The following SIK3 variants were observed in gnomAD, a reference collection of about 807,000 sequenced individuals.
The protein encoded by SIK3 is SIK family kinase 3, also known as serine/threonine-protein kinase SIK3.
In SIK3, 28 loss-of-function variants were observed where a neutral mutation model predicts 144.2. The ratio of observed to expected loss-of-function variants is 0.19; its 90% CI spans 0.14 to 0.27. SIK3 has a LOEUF of 0.27. Ranked by LOEUF, SIK3 falls within the 10% of genes least tolerant of loss-of-function variation. The probability of loss-of-function intolerance (pLI) is 1.00; values close to 1 mark genes in which losing one functional copy is unlikely to be tolerated. For synonymous variants in SIK3, 686 were observed against 676.3 expected, an observed-to-expected ratio of 1.01 and a Z score of -0.22; for missense variants, 1,319 against 1,776.0, an observed-to-expected ratio of 0.74 and a Z score of 4.62.
intron 1 of SIK3, among the ~76,000 whole-genome samples, chr11:117,095,749 C>G (rs1955447574): frequency 6.6e-6 from 1 of 152,322 alleles, no homozygotes; most frequent in East Asian, 1.9e-4. Flanking sequence ...AAGCTTCACT[C>G]ATGTAGTCAG....
intron 1 of SIK3, among the ~76,000 whole-genome samples, chr11:116,975,174 T>C (rs1949901906): frequency 6.6e-6 from 1 of 151,714 alleles, no homozygotes; most frequent in South Asian, 2.1e-4. Context: ...TTTCTTTGTA[T>C]TCTAGTTATT....
At chr11:116,960,781 C>T (rs997981054) in intron 1 of SIK3, among the ~76,000 whole-genome samples, 1 of 150,124 alleles carries the variant, frequency 6.7e-6, no homozygotes, top group Admixed American at 6.6e-5. Context: ...TAATATAATG[C>T]CTGGCACAGT....
At chr11:116,925,057 G>C (rs904978347) in intron 4 of SIK3, among the ~76,000 whole-genome samples, 1 of 152,120 alleles carries the variant, frequency 6.6e-6, no homozygotes, top group African/African-American at 2.4e-5. Flanking sequence ...AAGGTGGGTG[G>C]ATCGCTGGAG....
intron 1 of SIK3, among the ~76,000 whole-genome samples, chr11:116,960,209 T>C (rs945291592): frequency 2.0e-5 from 3 of 152,134 alleles, no homozygotes; most frequent in African/African-American, 7.2e-5. Flanking sequence ...CAGTGAGAGT[T>C]CAGATTCCAG....
In SIK3 at chr11:116,873,576, G is replaced by T; in HGVS notation, c.1642C>A (p.Arg548=). ...TTGGCTCCTCCATCTGATGCCCTCCGGCCAAGGGGGCCCATTCCATTCAAC... is the reference window on the plus strand; with the variant it reads ...TTGGCTCCTCCATCTGATGCCCTCCTGCCAAGGGGGCCCATTCCATTCAAC... ...QLLNGMGPLG[R]RASDGGANIQ... Residue 548 remains arginine (R), a synonymous_variant, in exon 13 of 25, where the codon CGG becomes AGG. Coordinates refer to ENST00000445177, the MANE Select transcript of SIK3 (RefSeq NM_001366686.3). The T allele has an allele frequency of 1.9e-6, 3 of 1,607,388 alleles. No individual in the cohort carries two copies. Among genetic ancestry groups the T allele is most frequent in the Non-Finnish European group, 2.5e-6 (3 of 1,177,188 alleles).
rs539989063 is a variant in SIK3 at position 116,925,933 on chromosome 11, A to G, written c.616+1286T>C. 2.2e-4 allele frequency among the ~76,000 whole-genome samples: 33 copies of G among 152,336 alleles called. No individual in the cohort carries two copies. In the South Asian group the frequency reaches 3.3e-3, roughly 15 times the overall value. On this transcript the variant is annotated intron_variant, in intron 4 of 24. Coordinates refer to ENST00000445177, the MANE Select transcript of SIK3 (RefSeq NM_001366686.3). ...CTTATAAATGATATGAAAGTTCTAAACAAAAGTGTAGCTGTCAGTTTCAGA... is the reference window on the plus strand; with the variant it reads ...CTTATAAATGATATGAAAGTTCTAAGCAAAAGTGTAGCTGTCAGTTTCAGA...
chr11:116,860,656 C>G (rs960049448), intron 19 of SIK3, among the ~76,000 whole-genome samples: 3 of 152,180 alleles, frequency 2.0e-5, no homozygotes, highest in Admixed American at 6.5e-5. Flanking sequence ...AGAGACTGTT[C>G]CAAGTGTTTT....
intron 3 of SIK3, among the ~76,000 whole-genome samples, chr11:116,939,939 G>C (rs61907602): frequency 0.032 from 4,913 of 152,212 alleles, 106 homozygotes; most frequent in Non-Finnish European, 0.036. Context: ...TTCTTGCATC[G>C]TAATTTGTAC....
chr11:116,878,008 G>T (rs192155710), intron 6 of SIK3, among the ~76,000 whole-genome samples: 49 of 152,262 alleles, frequency 3.2e-4, no homozygotes, highest in Admixed American at 2.7e-3. Flanking sequence ...AAGGTCACAT[G>T]GCTATTAAGT....
chr11:117,023,619 A>AAT (rs1555131711), intron 1 of SIK3, among the ~76,000 whole-genome samples: 1 of 99,816 alleles, frequency 1.0e-5, no homozygotes, highest in Non-Finnish European at 2.0e-5. Flanking sequence ...CAAAAAAAAA[A>AAT]AAATATATAT....
chr11:116,876,948 C>T lies in SIK3; in HGVS notation c.960G>A (p.Gly320=). 3 of 1,614,156 alleles carry T rather than the reference C, an allele frequency of 1.9e-6. No homozygotes were observed. Among genetic ancestry groups the T allele is most frequent in the Non-Finnish European group, 1.7e-6 (2 of 1,180,010 alleles). ...CCCTGTCAAAGTTGGGATCGGCGTC[C>T]CCTAGCTTCATCCACTTGTGCTTGC... ...QICKHKWMKL[G]DADPNFDRLI... The change falls in exon 7 of 25, where the codon GGG becomes GGA. Residue 320 remains glycine, a synonymous_variant. Transcript: ENST00000445177.
At chr11:116,982,300 T>C (rs1033361320) in intron 1 of SIK3, among the ~76,000 whole-genome samples, 67 of 151,390 alleles carry the variant, frequency 4.4e-4, no homozygotes, top group African/African-American at 1.5e-3. Flanking sequence ...TGCTTTTTTT[T>C]TTTTTTCAGA....
intron 1 of SIK3, among the ~76,000 whole-genome samples, chr11:116,991,823 T>C (rs1950508571): frequency 6.6e-6 from 1 of 152,168 alleles, no homozygotes; most frequent in South Asian, 2.1e-4. Flanking sequence ...ACCAGGTCTA[T>C]GGCAAATTTT....
chr11:116,874,431 C>T (rs1944135711), intron 11 of SIK3, among the ~76,000 whole-genome samples: 1 of 152,160 alleles, frequency 6.6e-6, no homozygotes, highest in Admixed American at 6.5e-5. Flanking sequence ...ACTGATTCAC[C>T]AGGGAAAGAA....
intron 6 of SIK3, among the ~76,000 whole-genome samples, chr11:116,894,323 G>A (rs534305088): frequency 1.3e-5 from 2 of 152,256 alleles, no homozygotes; most frequent in African/African-American, 4.8e-5. Flanking sequence ...ATACACTGGG[G>A]ATTCCAAACA....
intron 21 of SIK3, among the ~76,000 whole-genome samples, chr11:116,852,778 C>CAAAT (rs1172426044): frequency 6.6e-6 from 1 of 152,190 alleles, no homozygotes; most frequent in Non-Finnish European, 1.5e-5. Context: ...TGTAAATGAA[C>CAAAT]AAATGACTCA....
intron 1 of SIK3, among the ~76,000 whole-genome samples, chr11:116,989,443 G>A (rs546794422): frequency 6.6e-6 from 1 of 152,060 alleles, no homozygotes; most frequent in African/African-American, 2.4e-5. Flanking sequence ...AAATGTTGCT[G>A]GCTCAACACA....
At chr11:116,903,069 T>C (rs1380037409) in intron 4 of SIK3, among the ~76,000 whole-genome samples, 2 of 152,244 alleles carry the variant, frequency 1.3e-5, no homozygotes, top group African/African-American at 4.8e-5. Context: ...CATTCAGCTA[T>C]AACATAACTT....
chr11:116,926,375 G>A (rs1947272823), intron 4 of SIK3, among the ~76,000 whole-genome samples: 1 of 152,158 alleles, frequency 6.6e-6, no homozygotes, highest in Non-Finnish European at 1.5e-5. Context: ...CTAAAATTAA[G>A]CATGAACAGA....
Sources: gnomAD v4.1 joint callset for allele counts (sites outside exome capture counted in the v4.1 genomes callset) on GRCh38, gnomAD v4.1.1 for gene constraint, MANE v1.5 for transcripts, NCBI Gene and HGNC (gene_info 2026-07-23, HGNC 2026-07-21) for gene names.